ASXL1: variants seen among roughly 807,000 people sequenced by gnomAD.
ASXL1 encodes the protein ASXL transcriptional regulator 1.
ASXL1 carries 65 observed loss-of-function variants against 89.1 expected under a neutral mutation model. The ratio of observed to expected loss-of-function variants is 0.73; its 90% confidence interval spans 0.60 to 0.90. The LOEUF (loss-of-function observed/expected upper bound fraction) is 0.90, where lower values mean the gene tolerates loss of function less well. Among genes scored for constraint, ASXL1 ranks in the 40% least tolerant of loss-of-function variants. ASXL1 has a pLI of 0.00. For synonymous variants in ASXL1, 739 were observed against 746.9 expected, an observed-to-expected ratio of 0.99 and a Z score of 0.17; for missense variants, 1,786 against 1,942.9, an observed-to-expected ratio of 0.92 and a Z score of 1.52.
In ASXL1 at chr20:32,433,816, C is replaced by T. The variant is rs1023881021; in HGVS notation, c.1618C>T (p.Pro540Ser). 3 of 1,614,014 alleles carry T rather than the reference C, an allele frequency of 1.9e-6. No individual in the cohort carries two copies. The East Asian group carries it at 6.7e-5, about 36-fold the overall frequency. The stretch of plus-strand genomic sequence containing the variant: ...CTCTGCATCCTTTCCCGAAAAGAAG[C>T]CCCGGCTTGAAGATCGTCAGTCCTT... ...AASASFPEKKPRLEDRQSFRN... is the reference protein window; with the variant it reads ...AASASFPEKKSRLEDRQSFRN... Residue 540 changes from proline (P) to serine (S), a missense_variant, in exon 12 of 13, where the codon CCC (proline) becomes TCC (serine). Transcript: ENST00000375687.
At position 32,437,699 on chromosome 20, in the gene ASXL1, A is replaced by G. The variant is rs1199000526; in HGVS notation, c.*361A>G. ...CATTCTCCACCAAGGGAGTTAACCT[A>G]CCTGAACTAAGTAGAAATGCCAGTC... is the stretch of plus-strand genomic sequence containing the variant. On this transcript the variant is annotated 3_prime_UTR_variant, in exon 13 of 13. Transcript: ENST00000375687. 1.1e-5 allele frequency: 4 copies of G among 359,338 alleles called. No individual in the cohort carries two copies. The highest frequency in any genetic ancestry group is 2.1e-5 in the Non-Finnish European group (4 of 194,710). The allele number at this position is 359,338 out of a possible 1,614,324, so 22.3% of individuals were successfully genotyped here. A position where few individuals can be genotyped will look rare whatever the true frequency, so the allele number is the denominator to read the frequency against.
intron 4 of ASXL1, among the ~76,000 whole-genome samples, chr20:32,383,431 T>C (rs2048523488): frequency 6.6e-6 from 1 of 151,982 alleles, no homozygotes; most frequent in South Asian, 2.1e-4. Flanking sequence ...CTCAGCCTCC[T>C]GAGTAGCTGG....
chr20:32,384,229 CAG>C (rs71701464), intron 4 of ASXL1, among the ~76,000 whole-genome samples: 2,968 of 103,588 alleles, frequency 0.029, 182 homozygotes, highest in African/African-American at 0.11. Context: ...TTTTTTGAGA[CAG>C]AGTCTTGCTG....
At chr20:32,427,670 A>G (rs1332645465) in intron 4 of ASXL1, 1 of 215,844 alleles carries the variant, frequency 4.6e-6, no homozygotes, top group African/African-American at 2.3e-5. Flanking sequence ...TGGATGTGTT[A>G]CTTCCCTGAT....
chr20:32,387,177 A>AC (rs2048594264), intron 4 of ASXL1, among the ~76,000 whole-genome samples: 1 of 151,864 alleles, frequency 6.6e-6, no homozygotes, highest in South Asian at 2.1e-4. Context: ...ATGGTTGTGC[A>AC]CCCCCATAAT....
rs1340156520 is a variant in ASXL1 at position 32,363,567 on chromosome 20, T to G, written c.58-2817T>G. 3.3e-5 allele frequency among the ~76,000 whole-genome samples: 5 copies of G among 152,244 alleles called. No individual in the cohort carries two copies. The East Asian group carries it at 9.6e-4, about 29-fold the overall frequency. On this transcript the variant is annotated intron_variant, in intron 1 of 12. Coordinates refer to ENST00000375687, the MANE Select transcript of ASXL1 (RefSeq NM_015338.6). ...AACAGATATCCCAGTTGCTGCCTCTTGTCTAGTCATAGTTTCTCCTTTCAC... is the reference window on the plus strand; with the variant it reads ...AACAGATATCCCAGTTGCTGCCTCTGGTCTAGTCATAGTTTCTCCTTTCAC...
rs568332856 is a variant in ASXL1 at position 32,421,254 on chromosome 20, C to CA, written c.253-6862dup. Among the ~76,000 whole-genome samples, 412 of 137,330 alleles carry CA rather than the reference C, an allele frequency of 3.0e-3. 1 individual carries two copies. The highest frequency in any genetic ancestry group is 0.027 in the East Asian group (131 of 4,786). The allele number at this position is 137,330 out of a possible 152,430, so 90.1% of individuals were successfully genotyped here. ...GTAAAATTTAAAAAAAAAAAAACTT[C>CA]AAAAAAAAAAAAGTGCTCAACATCT... On this transcript the variant is annotated intron_variant, in intron 4 of 12. Transcript: ENST00000375687.
intron 4 of ASXL1, among the ~76,000 whole-genome samples, chr20:32,405,557 G>A (rs1197742132): frequency 6.6e-6 from 1 of 151,968 alleles, no homozygotes; most frequent in African/African-American, 2.4e-5. Context: ...TGTCCTTTTT[G>A]TCCAAAGTAT....
chr20:32,402,573 T>G (rs1326334628), intron 4 of ASXL1, among the ~76,000 whole-genome samples: 1 of 152,258 alleles, frequency 6.6e-6, no homozygotes, highest in Non-Finnish European at 1.5e-5. Flanking sequence ...TCATTCCCAC[T>G]AACAATGTAT....
At chr20:32,385,449 A>T (rs895155519) in intron 4 of ASXL1, among the ~76,000 whole-genome samples, 1 of 152,168 alleles carries the variant, frequency 6.6e-6, no homozygotes, top group African/African-American at 2.4e-5. Flanking sequence ...CTTCTGAATG[A>T]TGCTGTCTTT....
chr20:32,425,496 T>C (rs1018166973), intron 4 of ASXL1, among the ~76,000 whole-genome samples: 9 of 152,218 alleles, frequency 5.9e-5, no homozygotes, highest in African/African-American at 1.9e-4. Context: ...CTACTTGATA[T>C]TGTCAAACTT....
intron 1 of ASXL1, among the ~76,000 whole-genome samples, chr20:32,365,790 G>A (rs1165774188): frequency 6.6e-6 from 1 of 152,138 alleles, no homozygotes; most frequent in South Asian, 2.1e-4. Context: ...ATGGCAGAAC[G>A]TACTGTGGCA....
chr20:32,435,069 G>A lies in ASXL1; in HGVS notation c.2357G>A (p.Arg786Lys), dbSNP rs754070978. The change falls in exon 13 of 13, where the codon AGA becomes AAA. Residue 786 changes from arginine (R) to lysine (K), a missense_variant. Physicochemically the swap from Arg to Lys is conservative, Grantham distance 26. This residue lies in a region of ASXL1 where 1,418 missense variants were observed against 1,427.8 expected (regional missense o/e 0.99). Coordinates refer to ENST00000375687, the MANE Select transcript of ASXL1 (RefSeq NM_015338.6). The part of the protein sequence containing the change: ...VEQPQLHPDV[R>K]TECESGTTSW... ...CAGCCTCAGTTGCATCCGGATGTTA[G>A]AACTGAATGTGAGTCTGGCACCACT... is the stretch of plus-strand genomic sequence containing the variant. 15 of 1,614,014 alleles carry A rather than the reference G, an allele frequency of 9.3e-6. No individual in the cohort carries two copies. The highest frequency in any genetic ancestry group is 1.3e-5 in the Non-Finnish European group (15 of 1,180,046).
At chr20:32,365,585 A>G (rs568201326) in intron 1 of ASXL1, among the ~76,000 whole-genome samples, 1 of 152,336 alleles carries the variant, frequency 6.6e-6, no homozygotes, top group African/African-American at 2.4e-5. Context: ...GACAAAGTAC[A>G]AAGATATTGA....
chr20:32,359,035 G>T, intron 1 of ASXL1: 1 of 607,994 alleles, frequency 1.6e-6, no homozygotes, highest in Non-Finnish European at 2.9e-6. Context: ...TTTTCCGCTC[G>T]CCCTCGCGCC....
rs769646696 is a variant in ASXL1 at position 32,431,662 on chromosome 20, G to A, written c.962G>A (p.Arg321Gln). Reference protein sequence around the residue: ...EFFTHAAQSWRERLADGEFTH... With the variant: ...EFFTHAAQSWQERLADGEFTH... ...TTTACCCATGCGGCTCAGAGCTGGC[G>A]GGAGCGCCTGGCTGATGGTATGTAG... is the stretch of plus-strand genomic sequence containing the variant. The change falls in exon 10 of 13, where the codon CGG becomes CAG. Residue 321 changes from arginine (R) to glutamine (Q), a missense_variant. By Grantham distance (43) the Arg-to-Gln change is conservative. This residue lies in a region of ASXL1 where 332 missense variants were observed against 449.7 expected (regional missense o/e 0.74). Transcript: ENST00000375687. 1.4e-5 allele frequency: 23 copies of A among 1,613,020 alleles called. No individual in the cohort carries two copies. The East Asian group carries it at 1.6e-4, about 11-fold the overall frequency.
chr20:32,436,860 A>T lies in ASXL1; in HGVS notation c.4148A>T (p.Glu1383Val). 6.2e-7 allele frequency: 1 copy of T among 1,614,208 alleles called. No homozygotes were observed. Reference protein sequence around the residue: ...FVGGPLKANAENRKATGHSPL... With the variant: ...FVGGPLKANAVNRKATGHSPL... The stretch of plus-strand genomic sequence containing the variant: ...GGGGGTCCTCTTAAGGCAAATGCCG[A>T]GAACAGGAAAGCTACTGGGCATAGT... Residue 1383 changes from glutamate (E) to valine (V), a missense_variant, in exon 13 of 13, where the codon GAG (glutamate) becomes GTG (valine). By Grantham distance (121) the Glu-to-Val change is moderately radical. This residue lies in a region of ASXL1 where 1,418 missense variants were observed against 1,427.8 expected (regional missense o/e 0.99). Coordinates refer to ENST00000375687, the MANE Select transcript of ASXL1 (RefSeq NM_015338.6).
At chr20:32,426,062 T>C (rs960804920) in intron 4 of ASXL1, among the ~76,000 whole-genome samples, 2 of 152,228 alleles carry the variant, frequency 1.3e-5, no homozygotes, top group African/African-American at 2.4e-5. Context: ...GTTGCAGATA[T>C]CTTTTTCAGC....
chr20:32,427,824 C>T (rs2011372126), intron 4 of ASXL1: 1 of 393,954 alleles, frequency 2.5e-6, no homozygotes. Context: ...TATTTGAGCT[C>T]CTTGAGAGCA....
Sources: gnomAD v4.1 joint callset for allele counts (sites outside exome capture counted in the v4.1 genomes callset) on GRCh38, gnomAD v4.1.1 for gene constraint, gnomAD v4.1.1 regional missense constraint, MANE v1.5 for transcripts, NCBI Gene and HGNC (gene_info 2026-07-23, HGNC 2026-07-21) for gene names.